MED25: variants seen among roughly 807,000 people sequenced by gnomAD.
MED25 encodes the protein mediator complex subunit 25, also known as mediator of RNA polymerase II transcription subunit 25.
A neutral mutation model predicts 89.4 loss-of-function variants in MED25; 62 were observed. The observed-to-expected ratio is 0.69, with a 90% CI of 0.57 to 0.86. The LOEUF (loss-of-function observed/expected upper bound fraction) is 0.86. MED25 is among the 40% of genes least tolerant of loss of function. The pLI, the probability that MED25 is intolerant of heterozygous loss-of-function variation, is 0.00. For missense variants in MED25, 905 were observed against 1,005.2 expected (o/e 0.90, Z 1.35); for synonymous variants, 449 against 427.9 (o/e 1.05, Z -0.61).
chr19:49,823,462 G>A (rs867531863), intron 3 of MED25, among the ~76,000 whole-genome samples: 5 of 152,130 alleles, frequency 3.3e-5, no homozygotes, highest in African/African-American at 7.2e-5. Flanking sequence ...ATTAAGTGCC[G>A]TGTAAGTGTT....
Position 49,825,873 on chromosome 19 carries a change from C to T in MED25, c.306-2576C>T, listed in dbSNP as rs571169326. ...CACCCCAAAGAGGACACCCCATATGCATGAAGCACTAGCTCCCCATTCCCC... is the reference window on the plus strand; with the variant it reads ...CACCCCAAAGAGGACACCCCATATGTATGAAGCACTAGCTCCCCATTCCCC... On this transcript the variant is annotated intron_variant, in intron 3 of 17. Coordinates refer to ENST00000312865, the MANE Select transcript of MED25 (RefSeq NM_030973.4). 2.0e-5 allele frequency among the ~76,000 whole-genome samples: 3 copies of T among 151,942 alleles called. No homozygotes were observed. In the South Asian group the frequency reaches 6.2e-4, roughly 32 times the overall value.
chr19:49,833,976 G>C (rs1178818746), intron 13 of MED25: 1 of 152,322 alleles, frequency 6.6e-6, no homozygotes, highest in East Asian at 1.9e-4. Context: ...TGTGACATCA[G>C]GGACAGGGCC....
intron 3 of MED25, among the ~76,000 whole-genome samples, chr19:49,827,423 T>C (rs2074022906): frequency 6.6e-6 from 1 of 152,108 alleles, no homozygotes; most frequent in Non-Finnish European, 1.5e-5. Flanking sequence ...ATCCAGGTGG[T>C]AGGGCCAGGC....
intron 3 of MED25, 178 bp downstream of exon 3, chr19:49,819,474 C>G (rs879027885): frequency 1.6e-6 from 1 of 637,662 alleles, no homozygotes; most frequent in Non-Finnish European, 2.7e-6. Context: ...GGGGTCCCTG[C>G]GAGGGGCCGT....
At position 49,835,071 on chromosome 19, in the gene MED25, T is replaced by C; in HGVS notation, c.1568T>C (p.Met523Thr). 6.2e-7 allele frequency: 1 copy of C among 1,614,086 alleles called. No individual in the cohort carries two copies. The highest frequency in any genetic ancestry group is 1.1e-5 in the South Asian group (1 of 91,072). Residue 523 changes from methionine (M) to threonine (T), a missense_variant, in exon 14 of 18, where the codon ATG becomes ACG. Physicochemically the swap from Met to Thr is moderately conservative, Grantham distance 81 (BLOSUM62 -1). Around this residue, in one of 3 missense-constraint regions of MED25, gnomAD observed 133 missense variants for 220.2 expected, o/e 0.60. Transcript: ENST00000312865. This position sits in a 1 kb window ranked among gnomAD's most constrained non-coding sequence, Gnocchi z 6.2. ...LLYSSKKKIF[M>T]GLIPYDQSGF... Reference sequence around the variant, plus strand: ...TACTCGTCCAAGAAGAAGATCTTCATGGGCCTCATCCCCTACGACCAGAGC... The same window carrying C: ...TACTCGTCCAAGAAGAAGATCTTCACGGGCCTCATCCCCTACGACCAGAGC...
chr19:49,828,485 C>A lies in MED25; in HGVS notation c.342C>A (p.Ile114=). 5.6e-6 allele frequency: 9 copies of A among 1,614,092 alleles called. No individual in the cohort carries two copies. The highest frequency in any genetic ancestry group is 7.6e-6 in the Non-Finnish European group (9 of 1,179,992). Reference sequence around the variant, plus strand: ...GGGGTGGTGAGAGCTGCAGCCTCATCGCGGAAGGACTCAGCACAGCCTTGC... The same window carrying A: ...GGGGTGGTGAGAGCTGCAGCCTCATAGCGGAAGGACTCAGCACAGCCTTGC... ...MGGGGESCSL[I]AEGLSTALQL... The change falls in exon 4 of 18, where the codon ATC becomes ATA. Residue 114 remains isoleucine, a synonymous_variant. Transcript: ENST00000312865.
chr19:49,826,524 G>C (rs778064533), intron 3 of MED25, among the ~76,000 whole-genome samples: 5 of 152,142 alleles, frequency 3.3e-5, no homozygotes, highest in Non-Finnish European at 7.3e-5. Flanking sequence ...GGAGAGCCCC[G>C]CTGCATGGCC....
downstream of MED25, chr19:49,838,555 C>T (rs544464882): frequency 1.3e-5 from 6 of 457,278 alleles, no homozygotes; most frequent in African/African-American, 8.0e-5. Flanking sequence ...TGAAATCTTT[C>T]TTGTACCCAT....
At chr19:49,819,128 G>A in intron 2 of MED25, 44 bp from the exon 3 acceptor site, 1 of 1,612,708 alleles carries the variant, frequency 6.2e-7, no homozygotes, top group Non-Finnish European at 8.5e-7. Context: ...AGGGAAAAGG[G>A]AATTGAGGTC....
At position 49,835,782 on chromosome 19, in the gene MED25, C is replaced by T. The variant is rs1429027348; in HGVS notation, c.1802C>T (p.Ala601Val). 1 of 1,607,520 alleles carries T rather than the reference C, an allele frequency of 6.2e-7. No homozygotes were observed. The change falls in exon 16 of 18, where the codon GCC (alanine) becomes GTC (valine). Residue 601 changes from alanine (A) to valine (V), a missense_variant. Ala to Val is a moderately conservative substitution (Grantham distance 64). Coordinates refer to ENST00000312865, the MANE Select transcript of MED25 (RefSeq NM_030973.4). This position sits in a 1 kb window ranked among gnomAD's most constrained non-coding sequence, Gnocchi z 6.2. The part of the protein sequence containing the change: ...QPQGTVGASG[A>V]TGQPQPQGTA... ...CAGGGTACCGTAGGGGCCTCTGGGG[C>T]CACGGGGCAGCCCCAGCCCCAAGGT...
At chr19:49,819,078 C>T in intron 2 of MED25, 94 bp from the exon 3 acceptor site, 1 of 1,488,800 alleles carries the variant, frequency 6.7e-7, no homozygotes, top group African/African-American at 1.4e-5. Flanking sequence ...GTTCCTGGTT[C>T]TGGAGGAACG....
chr19:49,821,949 T>C (rs1490259740), intron 3 of MED25, among the ~76,000 whole-genome samples: 1 of 146,880 alleles, frequency 6.8e-6, no homozygotes, highest in Non-Finnish European at 1.5e-5. Context: ...GCCAACATGG[T>C]GAAACCCCGT....
chr19:49,819,286 G>A lies in MED25; in HGVS notation c.295G>A (p.Asp99Asn), dbSNP rs778775959. Residue 99 changes from aspartate (D) to asparagine (N), a missense_variant, in exon 3 of 18, where the codon GAT becomes AAT. Coordinates refer to ENST00000312865, the MANE Select transcript of MED25 (RefSeq NM_030973.4). Reference protein sequence around the residue: ...SSAYEFVTWLDGIKFMGGGGE... With the variant: ...SSAYEFVTWLNGIKFMGGGGE... ...CGCCTATGAGTTTGTCACCTGGCTCGATGGCATTAAGTGAGCTTTCCCCCA... is the reference window on the plus strand; with the variant it reads ...CGCCTATGAGTTTGTCACCTGGCTCAATGGCATTAAGTGAGCTTTCCCCCA... 1.0e-5 allele frequency: 16 copies of A among 1,594,816 alleles called. No homozygotes were observed. The highest frequency in any genetic ancestry group is 7.7e-5 in the South Asian group (7 of 90,626).
rs116000737 is a variant in MED25, at chr19:49,826,966, G to A, written c.306-1483G>A. ...GGTTCCAGTCTTGATGGACACGGTT[G>A]GGCCTGTAGACGTTCATTCACTTAG... On this transcript the variant is annotated intron_variant, in intron 3 of 17. Coordinates refer to ENST00000312865, the MANE Select transcript of MED25 (RefSeq NM_030973.4). Among the ~76,000 whole-genome samples the A allele has an allele frequency of 9.4e-3, 1,437 of 152,286 alleles. 18 individuals carry two copies. Among genetic ancestry groups the A allele is most frequent in the African/African-American group, 0.033 (1,372 of 41,554 alleles).
chr19:49,825,307 G>A (rs1340947143), intron 3 of MED25, among the ~76,000 whole-genome samples: 2 of 152,074 alleles, frequency 1.3e-5, no homozygotes, highest in Admixed American at 6.5e-5. Flanking sequence ...GGAGTGCAGT[G>A]GCATGATCTC....
Position 49,819,267 on chromosome 19 carries a change from T to C in MED25, c.276T>C (p.Tyr92=). The C allele has an allele frequency of 6.2e-7, 1 of 1,614,062 alleles. No individual in the cohort carries two copies. Among genetic ancestry groups the C allele is most frequent in the African/African-American group, 1.3e-5 (1 of 75,046 alleles). ...GTCACGCTCCCACCAGCAGCGCCTATGAGTTTGTCACCTGGCTCGATGGCA... is the reference window on the plus strand; with the variant it reads ...GTCACGCTCCCACCAGCAGCGCCTACGAGTTTGTCACCTGGCTCGATGGCA... The part of the protein sequence containing the change: ...VQCHAPTSSA[Y]EFVTWLDGIK... The change falls in exon 3 of 18, where the codon TAT becomes TAC. Residue 92 remains tyrosine, a synonymous_variant. Coordinates refer to ENST00000312865, the MANE Select transcript of MED25 (RefSeq NM_030973.4).
intron 3 of MED25, among the ~76,000 whole-genome samples, chr19:49,826,893 C>T (rs1345692196): frequency 6.6e-6 from 1 of 151,980 alleles, no homozygotes; most frequent in East Asian, 1.9e-4. Context: ...GGGTGCAGGA[C>T]TCGGAGGCCT....
intron 3 of MED25, among the ~76,000 whole-genome samples, chr19:49,827,435 GTC>G (rs1282412237): frequency 6.6e-6 from 1 of 152,124 alleles, no homozygotes; most frequent in African/African-American, 2.4e-5. Flanking sequence ...GGGCCAGGCT[GTC>G]TCTGAAATCT....
At chr19:49,837,874 T>C (rs1324211063), downstream of MED25, among the ~76,000 whole-genome samples, 1 of 152,136 alleles carries the variant, frequency 6.6e-6, no homozygotes, top group African/African-American at 2.4e-5. Flanking sequence ...AGACTGACCT[T>C]CCAGGGCTGT....
Sources: gnomAD v4.1 joint callset for allele counts (sites outside exome capture counted in the v4.1 genomes callset) on GRCh38, gnomAD v4.1.1 for gene constraint, gnomAD v4.1.1 regional missense constraint, Gnocchi (gnomAD v3.1) non-coding constraint, MANE v1.5 for transcripts, NCBI Gene and HGNC (gene_info 2026-07-23, HGNC 2026-07-21) for gene names.